The following ROBO1 variants were observed in gnomAD, a reference collection of about 807,000 sequenced individuals.
ROBO1 encodes the protein roundabout homolog 1.
Under a neutral mutation model 195.9 loss-of-function variants are expected in ROBO1, and 149 were observed. That is an observed-to-expected ratio of 0.76 (90% CI 0.67 to 0.87). The LOEUF is 0.87. Among genes scored for constraint, ROBO1 ranks in the 40% least tolerant of loss-of-function variants. The pLI, the probability that ROBO1 is intolerant of heterozygous loss-of-function variation, is 0.00. For synonymous variants in ROBO1, 816 were observed against 733.2 expected (o/e 1.11, Z -1.82); for missense variants, 1,933 against 2,068.3 (o/e 0.93, Z 1.27).
chr3:78,858,747 C>T (rs1191940985), intron 4 of ROBO1, among the ~76,000 whole-genome samples: 1 of 151,188 alleles, frequency 6.6e-6, no homozygotes, highest in Admixed American at 6.6e-5. Flanking sequence ...ACCCCCACTC[C>T]GTCCACCTCC....
At chr3:79,051,492 G>C (rs1241405810) in intron 3 of ROBO1, among the ~76,000 whole-genome samples, 3 of 152,122 alleles carry the variant, frequency 2.0e-5, no homozygotes, top group African/African-American at 7.2e-5. Context: ...ACAAGAGCTG[G>C]TACCATTCCT....
At chr3:78,958,251 C>T (rs1312244210) in intron 3 of ROBO1, among the ~76,000 whole-genome samples, 1 of 152,300 alleles carries the variant, frequency 6.6e-6, no homozygotes, top group Non-Finnish European at 1.5e-5. Flanking sequence ...GGTACGAAGA[C>T]TAGTAACTGG....
chr3:78,790,701 G>A (rs2108524521), intron 4 of ROBO1, among the ~76,000 whole-genome samples: 1 of 152,270 alleles, frequency 6.6e-6, no homozygotes, highest in East Asian at 1.9e-4. Context: ...AAAACAGAAA[G>A]TCCCAAGGTA....
At chr3:79,198,791 T>C (rs2081696003) in intron 2 of ROBO1, among the ~76,000 whole-genome samples, 1 of 152,120 alleles carries the variant, frequency 6.6e-6, no homozygotes, top group Non-Finnish European at 1.5e-5. Flanking sequence ...TTTTGTTCTC[T>C]TTGCAGCAAT....
chr3:79,015,029 CA>C (rs1411599518), intron 3 of ROBO1, among the ~76,000 whole-genome samples: 1 of 152,030 alleles, frequency 6.6e-6, no homozygotes, highest in Non-Finnish European at 1.5e-5. Flanking sequence ...CATTCTGTAC[CA>C]CTTTAAATTA....
At chr3:78,668,334 A>C (rs1241647102) in intron 12 of ROBO1, 32 bp from the exon 13 acceptor site, 1 of 1,610,694 alleles carries the variant, frequency 6.2e-7, no homozygotes, top group South Asian at 1.1e-5. Context: ...AAAATAAAAG[A>C]TGTTTACACA....
At chr3:78,835,138 ACAGGAGG>A (rs2032595803) in intron 4 of ROBO1, among the ~76,000 whole-genome samples, 1 of 152,190 alleles carries the variant, frequency 6.6e-6, no homozygotes, top group East Asian at 1.9e-4. Flanking sequence ...TACTCACAGA[ACAGGAGG>A]CTCCATCACA....
At chr3:78,768,135 T>C (rs2083275247) in intron 4 of ROBO1, among the ~76,000 whole-genome samples, 2 of 152,234 alleles carry the variant, frequency 1.3e-5, no homozygotes, top group East Asian at 1.9e-4. Flanking sequence ...TTATCATCAT[T>C]CAGTTTGAAG....
At chr3:79,394,573 T>C (rs2037069557) in intron 2 of ROBO1, among the ~76,000 whole-genome samples, 1 of 152,008 alleles carries the variant, frequency 6.6e-6, no homozygotes, top group South Asian at 2.1e-4. Context: ...TCAGTAATTT[T>C]TGAAAATATG....
intron 2 of ROBO1, among the ~76,000 whole-genome samples, chr3:79,516,802 G>A (rs899217479): frequency 6.6e-6 from 1 of 152,088 alleles, no homozygotes; most frequent in Admixed American, 6.5e-5. Context: ...TAATTCACAT[G>A]TATTTGAATT....
At chr3:79,630,386 A>G (rs1945302522) in intron 1 of ROBO1, among the ~76,000 whole-genome samples, 1 of 152,078 alleles carries the variant, frequency 6.6e-6, no homozygotes, top group Admixed American at 6.5e-5. Context: ...ATTAAAAACA[A>G]AAGCCATATG....
intron 3 of ROBO1, among the ~76,000 whole-genome samples, chr3:78,945,034 G>A (rs965721481): frequency 6.6e-6 from 1 of 152,200 alleles, no homozygotes; most frequent in African/African-American, 2.4e-5. Context: ...CTCAAACTGG[G>A]TGAAGCCCAC....
chr3:78,766,871 A>G (rs1352229378), intron 4 of ROBO1, among the ~76,000 whole-genome samples: 1 of 152,110 alleles, frequency 6.6e-6, no homozygotes, highest in Non-Finnish European at 1.5e-5. Context: ...ATCTATTGAG[A>G]TGATCATTTG....
chr3:79,276,043 A>G (rs778591930), intron 2 of ROBO1, among the ~76,000 whole-genome samples: 1 of 152,036 alleles, frequency 6.6e-6, no homozygotes, highest in Non-Finnish European at 1.5e-5. Flanking sequence ...AAATGTCCAT[A>G]TTCCCCAAAC....
chr3:78,668,513 G>T lies in ROBO1; in HGVS notation c.1601C>A (p.Ala534Glu). The change falls in exon 12 of 31, where the codon GCA (alanine) becomes GAA (glutamate). Residue 534 changes from alanine to glutamate, a missense_variant. By Grantham distance (107) the Ala-to-Glu change is moderately radical. Around this residue, in one of 3 missense-constraint regions of ROBO1, gnomAD observed 1,737 missense variants for 1,882.5 expected, o/e 0.92. Coordinates refer to ENST00000464233, the MANE Select transcript of ROBO1 (RefSeq NM_002941.4). ...TCIASTPSGE[A>E]TWSAYIEVQE... ...AACTTCAATGTAAGCACTCCATGTT[G>T]CTTCACCACTGGGGGTTGATGCAAT... is the stretch of plus-strand genomic sequence containing the variant. 1.2e-6 allele frequency: 2 copies of T among 1,613,818 alleles called. No homozygotes were observed. Among genetic ancestry groups the T allele is most frequent in the Non-Finnish European group, 1.7e-6 (2 of 1,179,820 alleles).
intron 17 of ROBO1, 49 bp downstream of exon 17, chr3:78,659,637 T>TGG: frequency 7.7e-7 from 1 of 1,292,098 alleles, no homozygotes; most frequent in Non-Finnish European, 1.0e-6. Flanking sequence ...TTATGAATGG[T>TGG]GGGGGCTGCC....
At chr3:79,032,517 T>C (rs1389517124) in intron 3 of ROBO1, among the ~76,000 whole-genome samples, 1 of 152,026 alleles carries the variant, frequency 6.6e-6, no homozygotes, top group Non-Finnish European at 1.5e-5. Context: ...TGAGAAGTTT[T>C]CTTTTAGCTC....
At chr3:78,701,646 A>G (rs1409990238) in intron 8 of ROBO1, among the ~76,000 whole-genome samples, 1 of 152,206 alleles carries the variant, frequency 6.6e-6, no homozygotes, top group Non-Finnish European at 1.5e-5. Flanking sequence ...TCATCTCTTC[A>G]CTAATGACCT....
At chr3:79,378,695 A>G (rs930838291) in intron 2 of ROBO1, among the ~76,000 whole-genome samples, 1 of 152,212 alleles carries the variant, frequency 6.6e-6, no homozygotes, top group Non-Finnish European at 1.5e-5. Context: ...AATTGCATAC[A>G]TTAAGCTTTA....
Sources: gnomAD v4.1 joint callset for allele counts (sites outside exome capture counted in the v4.1 genomes callset) on GRCh38, gnomAD v4.1.1 for gene constraint, gnomAD v4.1.1 regional missense constraint, MANE v1.5 for transcripts, NCBI Gene and HGNC (gene_info 2026-07-23, HGNC 2026-07-21) for gene names.